Variants in C10orf67 observed in about 807,000 individuals in gnomAD.
C10orf67 encodes the protein uncharacterized protein C10orf67, mitochondrial.
In C10orf67, 60 loss-of-function variants were observed where a neutral mutation model predicts 35.6. The ratio of observed to expected loss-of-function variants is 1.68; its 90% CI spans 1.37 to 2.09. The LOEUF (loss-of-function observed/expected upper bound fraction) is 2.09. Among genes scored for constraint, C10orf67 ranks in the 30% most tolerant of loss-of-function variants. C10orf67 has a pLI of 0.00. For missense variants in C10orf67, 474 were observed against 330.2 expected (o/e 1.44, Z -3.38); for synonymous variants, 167 against 115.8 (o/e 1.44, Z -2.84).
chr10:23,257,830 T>G (rs183430559), intron 10 of C10orf67, among the ~76,000 whole-genome samples: 1 of 151,724 alleles, frequency 6.6e-6, no homozygotes, highest in East Asian at 1.9e-4. Context: ...GACTGTGGTC[T>G]AGTAGAGGTA....
intron 15 of C10orf67, among the ~76,000 whole-genome samples, chr10:23,209,605 G>T (rs972029868): frequency 6.6e-6 from 1 of 152,162 alleles, no homozygotes; most frequent in African/African-American, 2.4e-5. Flanking sequence ...GAAGAAAATG[G>T]TGAAATGATA....
intron 10 of C10orf67, among the ~76,000 whole-genome samples, chr10:23,254,603 G>T (rs1360293704): frequency 1.3e-5 from 2 of 151,958 alleles, no homozygotes; most frequent in Non-Finnish European, 2.9e-5. Context: ...AAGAAATAAA[G>T]GTTCATTTAT....
In C10orf67 at chr10:23,232,520, A is replaced by C. The variant is rs182170823; in HGVS notation, c.1434+7209T>G. 8.5e-5 allele frequency among the ~76,000 whole-genome samples: 13 copies of C among 152,320 alleles called. No homozygotes were observed. The East Asian group carries it at 2.1e-3, about 25-fold the overall frequency. Reference sequence around the variant, plus strand: ...AGTTTGCCACGGTATACATAAAAACACACTATTCACACAGAGCACTGGGAT... The same window carrying C: ...AGTTTGCCACGGTATACATAAAAACCCACTATTCACACAGAGCACTGGGAT... On this transcript the variant is annotated intron_variant, in intron 13 of 15. Coordinates refer to ENST00000636213, the MANE Select transcript of C10orf67 (RefSeq NM_001371909.1).
At chr10:23,241,687 G>A (rs1842182545) in intron 12 of C10orf67, among the ~76,000 whole-genome samples, 1 of 151,908 alleles carries the variant, frequency 6.6e-6, no homozygotes, top group Non-Finnish European at 1.5e-5. Flanking sequence ...TTTTAAAGAA[G>A]GAAGCAGGAG....
rs188225313 is a variant in C10orf67 at position 23,341,317 on chromosome 10, G to A, written c.206+3252C>T. On this transcript the variant is annotated intron_variant, in intron 1 of 15. Transcript: ENST00000636213. ...GCTGACATATAATGACCAGAAGTAA[G>A]CTTATGATATTCCCTTCAGACCTGT... Among the ~76,000 whole-genome samples the A allele has an allele frequency of 3.8e-4, 58 of 152,308 alleles. 2 individuals are homozygous for A. The East Asian group carries it at 0.011, about 28-fold the overall frequency.
chr10:23,207,782 AT>A (rs1841196373), intron 15 of C10orf67, among the ~76,000 whole-genome samples: 1 of 152,182 alleles, frequency 6.6e-6, no homozygotes. Context: ...TTAAAGAAAA[AT>A]TTACTTTCCT....
chr10:23,339,565 ACCC>A (rs1280033689), intron 1 of C10orf67, among the ~76,000 whole-genome samples: 1 of 152,156 alleles, frequency 6.6e-6, no homozygotes, highest in African/African-American at 2.4e-5. Context: ...CAGTTGTCAC[ACCC>A]TCTGGCAAGT....
intron 12 of C10orf67, among the ~76,000 whole-genome samples, chr10:23,248,477 C>A (rs1273769454): frequency 6.6e-6 from 1 of 152,146 alleles, no homozygotes. Flanking sequence ...AAATGAAGCC[C>A]TGAATTGGAC....
At chr10:23,332,633 A>G (rs369516116) in intron 2 of C10orf67, among the ~76,000 whole-genome samples, 7 of 151,602 alleles carry the variant, frequency 4.6e-5, no homozygotes, top group East Asian at 3.9e-4. Flanking sequence ...ACAGTGAGCT[A>G]TGATCACACC....
At chr10:23,258,743 A>G (rs1057023482) in intron 10 of C10orf67, among the ~76,000 whole-genome samples, 1 of 152,112 alleles carries the variant, frequency 6.6e-6, no homozygotes, top group Non-Finnish European at 1.5e-5. Flanking sequence ...TCTATTTTTC[A>G]TCTCCTGGCC....
At chr10:23,339,313 G>A (rs1481593287) in intron 1 of C10orf67, among the ~76,000 whole-genome samples, 2 of 150,636 alleles carry the variant, frequency 1.3e-5, no homozygotes, top group Non-Finnish European at 2.9e-5. Context: ...ACGGAGTCAA[G>A]GAGAACTCTG....
chr10:23,290,630 G>A (rs966824836), intron 6 of C10orf67, among the ~76,000 whole-genome samples: 1 of 152,162 alleles, frequency 6.6e-6, no homozygotes, highest in African/African-American at 2.4e-5. Flanking sequence ...AAAGAAAAGA[G>A]GTATTAAGTA....
intron 8 of C10orf67, among the ~76,000 whole-genome samples, chr10:23,279,058 C>T (rs1473904483): frequency 2.0e-5 from 3 of 152,144 alleles, no homozygotes; most frequent in African/African-American, 7.2e-5. Context: ...TCAAGACCAG[C>T]CTGGGCAATA....
chr10:23,281,936 TAA>T, intron 8 of C10orf67, 75 bp downstream of exon 8: 1 of 511,694 alleles, frequency 2.0e-6, no homozygotes. Flanking sequence ...CAATCACAAA[TAA>T]AGTTTATAAA....
At position 23,203,572 on chromosome 10, in the gene C10orf67, G is replaced by A. The variant is rs560932632; in HGVS notation, c.*601C>T. On this transcript the variant is annotated 3_prime_UTR_variant, in exon 16 of 16. Transcript: ENST00000636213. ...TTGGTAAACGGTGTCTGGCATTCCA[G>A]CAGAATCTTGGTTTGCATCCTTACC... The A allele has an allele frequency of 2.4e-4, 37 of 152,330 alleles. No homozygotes were observed. Among genetic ancestry groups the A allele is most frequent in the African/African-American group, 8.7e-4 (36 of 41,572 alleles). 9.4% of individuals were successfully genotyped at this position (152,330 alleles called of 1,614,324 possible). A position where few individuals can be genotyped will look rare whatever the true frequency, so the allele number is the denominator to read the frequency against.
At chr10:23,239,618 A>C in intron 13 of C10orf67, 111 bp downstream of exon 13, 1 of 516,332 alleles carries the variant, frequency 1.9e-6, no homozygotes, top group Non-Finnish European at 3.7e-6. Context: ...GCCTTGTACT[A>C]TCTCTAGAGC....
intron 6 of C10orf67, among the ~76,000 whole-genome samples, chr10:23,290,640 A>G (rs1843693660): frequency 6.6e-6 from 1 of 152,254 alleles, no homozygotes. Flanking sequence ...GGTATTAAGT[A>G]TACAAATGAA....
At chr10:23,252,173 C>T (rs986023954) in intron 10 of C10orf67, among the ~76,000 whole-genome samples, 4 of 152,098 alleles carry the variant, frequency 2.6e-5, no homozygotes, top group African/African-American at 9.7e-5. Context: ...CCATTTTGCA[C>T]TATGTTCTAG....
chr10:23,318,177 C>G (rs557685372), intron 4 of C10orf67: 6 of 142,378 alleles, frequency 4.2e-5, no homozygotes, highest in Non-Finnish European at 9.1e-5. Flanking sequence ...TTCAATGAGT[C>G]GGGAATTAGT....
Sources: allele counts gnomAD v4.1 joint callset (sites outside exome capture counted in the v4.1 genomes callset), GRCh38; gene constraint gnomAD v4.1.1; transcripts MANE v1.5; gene names NCBI Gene and HGNC (gene_info 2026-07-23, HGNC 2026-07-21).